The following OVOL1 variants were observed in gnomAD, a reference collection of about 807,000 sequenced individuals.
OVOL1 encodes the protein putative transcription factor Ovo-like 1.
A neutral mutation model predicts 21.5 loss-of-function variants in OVOL1; 10 were observed. That is an observed-to-expected ratio of 0.46 (90% confidence interval 0.29 to 0.79). The LOEUF (loss-of-function observed/expected upper bound fraction) is 0.79. Ranked by LOEUF, OVOL1 falls within the 30% of genes least tolerant of loss-of-function variation. OVOL1 has a pLI of 0.10. For synonymous variants in OVOL1, 129 were observed against 150.3 expected (o/e 0.86, Z 1.03); for missense variants, 279 against 362.3 (o/e 0.77, Z 1.87).
chr11:65,794,637 C>T lies in OVOL1; in HGVS notation c.418C>T (p.His140Tyr). The change falls in exon 3 of 4, where the codon CAC (histidine) becomes TAC (tyrosine). Residue 140 changes from histidine (H) to tyrosine (Y), a missense_variant. Transcript: ENST00000335987. ...QRMLNRHMKC[H>Y]NDVKRHLCTY... ...CATGCTGAACCGCCACATGAAGTGT[C>T]ACAACGACGTCAAGAGGCACCTCTG... The T allele has an allele frequency of 6.2e-7, 1 of 1,613,802 alleles. No individual in the cohort carries two copies. Among genetic ancestry groups the T allele is most frequent in the Non-Finnish European group, 8.5e-7 (1 of 1,180,020 alleles).
chr11:65,792,205 TCAGGACCCTAAC>T (rs1858034058), intron 1 of OVOL1: 1 of 152,474 alleles, frequency 6.6e-6, no homozygotes, highest in Non-Finnish European at 1.5e-5. Context: ...TGCATGGATC[TCAGGACCCTAAC>T]CATGAGCCTC....
rs369971352 is a variant in OVOL1 at position 65,793,999 on chromosome 11, C to T, written c.101-32C>T. On this transcript the variant is annotated intron_variant, in intron 1 of 3. Coordinates refer to ENST00000335987, the MANE Select transcript of OVOL1 (RefSeq NM_004561.4). ...AACCCGCTGGACCCTCTCTTCTCCACCAAGCCTCTCACCTGTCTGTTCTCT... is the reference window on the plus strand; with the variant it reads ...AACCCGCTGGACCCTCTCTTCTCCATCAAGCCTCTCACCTGTCTGTTCTCT... 5 of 1,580,104 alleles carry T rather than the reference C, an allele frequency of 3.2e-6. No homozygotes were observed. In the South Asian group the frequency reaches 5.5e-5, roughly 17 times the overall value.
intron 3 of OVOL1, 77 bp downstream of exon 3, chr11:65,794,804 C>G: frequency 7.0e-7 from 1 of 1,433,550 alleles, no homozygotes; most frequent in Non-Finnish European, 9.7e-7. Context: ...TCCAGCACCC[C>G]CTGCTCTCCC....
chr11:65,791,738 A>G (rs527424961), intron 1 of OVOL1, among the ~76,000 whole-genome samples: 1 of 152,354 alleles, frequency 6.6e-6, no homozygotes, highest in South Asian at 2.1e-4. Context: ...GGCAGTAGGA[A>G]GAGGGCCAAG....
At chr11:65,788,405 C>A in intron 1 of OVOL1, 17 of 975,964 alleles carry the variant, frequency 1.7e-5, no homozygotes, top group Non-Finnish European at 2.1e-5. Context: ...TGCTTCCTTC[C>A]GAACGCCCCC....
intron 1 of OVOL1, chr11:65,790,030 A>AC (rs1857978986): frequency 6.9e-6 from 1 of 143,936 alleles, no homozygotes; most frequent in Non-Finnish European, 1.6e-5. Context: ...GCCACCTTGA[A>AC]CCGCTCCCCC....
chr11:65,787,928 G>A (rs966708088), intron 1 of OVOL1, among the ~76,000 whole-genome samples: 5 of 152,214 alleles, frequency 3.3e-5, no homozygotes, highest in African/African-American at 1.2e-4. Context: ...TGTGTTAAAA[G>A]CTCAGAGCTT....
chr11:65,791,946 G>T (rs755748096), intron 1 of OVOL1, among the ~76,000 whole-genome samples: 1 of 152,264 alleles, frequency 6.6e-6, no homozygotes, highest in East Asian at 1.9e-4. Context: ...GCGTGTGGCC[G>T]CAGAAGGGAC....
intron 1 of OVOL1, 40 bp from the exon 2 acceptor site, chr11:65,793,991 C>G (rs775778580): frequency 1.9e-6 from 3 of 1,551,850 alleles, no homozygotes; most frequent in Non-Finnish European, 2.7e-6. Context: ...TGGACCCTCT[C>G]TTCTCCACCA....
intron 2 of OVOL1, 69 bp downstream of exon 2, chr11:65,794,317 A>G (rs1191480138): frequency 7.2e-7 from 1 of 1,398,318 alleles, no homozygotes; most frequent in African/African-American, 1.4e-5. Flanking sequence ...CTCATGAGAC[A>G]TGGCACAAAT....
intron 1 of OVOL1, among the ~76,000 whole-genome samples, chr11:65,788,029 A>G (rs1390086765): frequency 6.6e-6 from 1 of 152,034 alleles, no homozygotes; most frequent in African/African-American, 2.4e-5. Flanking sequence ...TGGGCCCCCA[A>G]ATTTTCGTTG....
At chr11:65,794,787 G>A in intron 3 of OVOL1, 60 bp downstream of exon 3, 2 of 1,544,178 alleles carry the variant, frequency 1.3e-6, no homozygotes, top group East Asian at 2.3e-5. Flanking sequence ...CGGCCGTGCG[G>A]GAAAAGTCCA....
Position 65,794,265 on chromosome 11 carries a change from T to C in OVOL1, c.318+17T>C, listed in dbSNP as rs375714577. ...AAGATGAAGGTAATGCCACTCGCGC[T>C]GTCTCCGAGGGCCGGGGGCGTGCAT... On this transcript the variant is annotated intron_variant, in intron 2 of 3. Transcript: ENST00000335987. 150 of 1,602,084 alleles carry C rather than the reference T, an allele frequency of 9.4e-5. No individual in the cohort carries two copies. Among genetic ancestry groups the C allele is most frequent in the Non-Finnish European group, 1.2e-4 (143 of 1,170,794 alleles).
intron 1 of OVOL1, chr11:65,788,961 C>CCGCTCCG: frequency 1.0e-6 from 1 of 986,078 alleles, no homozygotes. Flanking sequence ...AGCCCCCTCC[C>CCGCTCCG]CGCTCCGCCC....
chr11:65,790,866 G>A (rs537977695), intron 1 of OVOL1: 1 of 152,754 alleles, frequency 6.5e-6, no homozygotes, highest in Non-Finnish European at 1.5e-5. Context: ...AAGAACAGGT[G>A]AGGGCGAGTC....
intron 1 of OVOL1, chr11:65,788,365 C>G: frequency 3.0e-6 from 2 of 663,790 alleles, no homozygotes; most frequent in Non-Finnish European, 3.7e-6. Context: ...CTCCCCCACC[C>G]CCAACAAAGT....
At chr11:65,787,965 T>G (rs991405437) in intron 1 of OVOL1, among the ~76,000 whole-genome samples, 1 of 152,048 alleles carries the variant, frequency 6.6e-6, no homozygotes, top group Non-Finnish European at 1.5e-5. Flanking sequence ...TCCTTCCTCC[T>G]CCCCCACAAC....
intron 2 of OVOL1, 140 bp downstream of exon 2, chr11:65,794,388 C>T: frequency 9.3e-7 from 1 of 1,076,726 alleles, no homozygotes; most frequent in Non-Finnish European, 1.4e-6. Flanking sequence ...GAGTGCCGAT[C>T]TCCGGGCAGA....
rs1858140968 is a variant in OVOL1 at position 65,796,714 on chromosome 11, G to A, written c.*1373G>A. 6.6e-6 allele frequency: 1 copy of A among 152,384 alleles called. No individual in the cohort carries two copies. Among genetic ancestry groups the A allele is most frequent in the Admixed American group, 6.5e-5 (1 of 15,278 alleles). 9.4% of individuals were successfully genotyped at this position (152,384 alleles called of 1,614,324 possible). On this transcript the variant is annotated 3_prime_UTR_variant, in exon 4 of 4. Transcript: ENST00000335987. ...TCCCTTGCTCCCTTGCTGCAGCTGGGAAAGGGGTTCTGGGTGTAAAGAGGT... is the reference window on the plus strand; with the variant it reads ...TCCCTTGCTCCCTTGCTGCAGCTGGAAAAGGGGTTCTGGGTGTAAAGAGGT...
Sources: gnomAD v4.1 joint callset for allele counts (sites outside exome capture counted in the v4.1 genomes callset) on GRCh38, gnomAD v4.1.1 for gene constraint, MANE v1.5 for transcripts, NCBI Gene and HGNC (gene_info 2026-07-23, HGNC 2026-07-21) for gene names.